SGK1: variants seen among roughly 807,000 people sequenced by gnomAD.
SGK1 encodes the protein serine/threonine-protein kinase Sgk1.
Under a neutral mutation model 64.2 loss-of-function variants are expected in SGK1, and 26 were observed. That is an observed-to-expected ratio of 0.40 (90% CI 0.30 to 0.56). SGK1 has a LOEUF of 0.56. SGK1 is among the 20% of genes least tolerant of loss of function. SGK1 has a pLI of 0.38. For missense variants in SGK1, 519 were observed against 645.6 expected, an observed-to-expected ratio of 0.80 and a Z score of 2.12; for synonymous variants, 265 against 239.7, an observed-to-expected ratio of 1.11 and a Z score of -0.98.
At chr6:134,179,460 C>A (rs1775298700) in intron 3 of SGK1, among the ~76,000 whole-genome samples, 1 of 145,990 alleles carries the variant, frequency 6.8e-6, no homozygotes, top group East Asian at 2.0e-4. Context: ...CTGAATGGAT[C>A]AGTTTTTGTT....
At chr6:134,251,155 A>T (rs999629883) in intron 2 of SGK1, among the ~76,000 whole-genome samples, 3 of 152,184 alleles carry the variant, frequency 2.0e-5, no homozygotes, top group African/African-American at 7.2e-5. Flanking sequence ...GGTAAATTAA[A>T]TTCTATCATT....
Position 134,317,695 on chromosome 6 carries a change from A to G in SGK1, c.-235T>C. The G allele has an allele frequency of 1.8e-6, 1 of 542,854 alleles. No homozygotes were observed. Among genetic ancestry groups the G allele is most frequent in the Non-Finnish European group, 3.3e-6 (1 of 304,082 alleles). 33.6% of individuals were successfully genotyped at this position (542,854 alleles called of 1,614,324 possible). On this transcript the variant is annotated 5_prime_UTR_variant, in exon 1 of 14. Coordinates refer to ENST00000367858, the MANE Select transcript of SGK1 (RefSeq NM_001143676.3). The stretch of plus-strand genomic sequence containing the variant: ...TTTTCTCCTTCCATCATTGCTCCGA[A>G]ACATATGCATCACCGCTGCAGGACC...
intron 1 of SGK1, among the ~76,000 whole-genome samples, chr6:134,279,856 A>G (rs1005507800): frequency 6.6e-6 from 1 of 152,180 alleles, no homozygotes; most frequent in Non-Finnish European, 1.5e-5. Flanking sequence ...CAGTCTGGTT[A>G]AGTAAAATAT....
At chr6:134,203,263 A>G (rs1395893708) in intron 3 of SGK1, among the ~76,000 whole-genome samples, 2 of 152,166 alleles carry the variant, frequency 1.3e-5, no homozygotes, top group African/African-American at 4.8e-5. Context: ...AAATAAAAAT[A>G]AAGTCATTTA....
At chr6:134,191,533 C>T (rs1775508860) in intron 3 of SGK1, among the ~76,000 whole-genome samples, 1 of 152,218 alleles carries the variant, frequency 6.6e-6, no homozygotes, top group Non-Finnish European at 1.5e-5. Context: ...GTGCTAAGGA[C>T]ATACCTATCA....
Position 134,172,752 on chromosome 6 carries a change from T to C in SGK1, c.857A>G (p.Glu286Gly). 1 of 1,613,744 alleles carries C rather than the reference T, an allele frequency of 6.2e-7. No homozygotes were observed. Among genetic ancestry groups the C allele is most frequent in the Non-Finnish European group, 8.5e-7 (1 of 1,179,632 alleles). ...GGELFYHLQR[E>G]RCFLEPRARF... Reference sequence around the variant, plus strand: ...AGCCCGTGGTTCCAGGAAGCAGCGTTCCCTCTGGAGATGGTAGAACAACTG... The same window carrying C: ...AGCCCGTGGTTCCAGGAAGCAGCGTCCCCTCTGGAGATGGTAGAACAACTG... The change falls in exon 9 of 14, where the codon GAA becomes GGA. Residue 286 changes from glutamate to glycine, a missense_variant. Glu to Gly is a moderately conservative substitution (Grantham distance 98, BLOSUM62 -2). Coordinates refer to ENST00000367858, the MANE Select transcript of SGK1 (RefSeq NM_001143676.3).
intron 2 of SGK1, among the ~76,000 whole-genome samples, chr6:134,226,605 G>A (rs992178058): frequency 2.6e-5 from 4 of 151,062 alleles, no homozygotes; most frequent in African/African-American, 9.7e-5. Flanking sequence ...GAGGTGGGAG[G>A]ATCGCCTAAG....
At chr6:134,258,987 C>CA (rs1010853922) in intron 2 of SGK1, among the ~76,000 whole-genome samples, 8 of 149,426 alleles carry the variant, frequency 5.4e-5, no homozygotes, top group African/African-American at 1.7e-4. Flanking sequence ...AACCTTGTCT[C>CA]AAAAAAAAAG....
chr6:134,251,674 C>G (rs562351318), intron 2 of SGK1, among the ~76,000 whole-genome samples: 3 of 152,146 alleles, frequency 2.0e-5, no homozygotes, highest in South Asian at 2.1e-4. Context: ...AAGTGAGCTA[C>G]GAGTGCAGCC....
intron 3 of SGK1, chr6:134,174,954 T>C (rs1362264049): frequency 4.3e-5 from 60 of 1,395,478 alleles, no homozygotes; most frequent in Non-Finnish European, 5.5e-5. Context: ...GCCCTTCGCC[T>C]CGCCCCTCGC....
At chr6:134,195,630 A>C (rs1425429153) in intron 3 of SGK1, among the ~76,000 whole-genome samples, 1 of 152,114 alleles carries the variant, frequency 6.6e-6, no homozygotes, top group Admixed American at 6.6e-5. Context: ...AACCATCTAA[A>C]CCATTGTAGA....
At chr6:134,285,588 T>C (rs1226906692) in intron 1 of SGK1, among the ~76,000 whole-genome samples, 1 of 151,918 alleles carries the variant, frequency 6.6e-6, no homozygotes, top group African/African-American at 2.4e-5. Context: ...TAAAGTGGTA[T>C]CTAATTGTGG....
intron 1 of SGK1, chr6:134,298,491 T>C: frequency 4.9e-6 from 4 of 811,388 alleles, no homozygotes; most frequent in Admixed American, 3.5e-5. Context: ...CAGGCTCTGG[T>C]TGACTGTGAC....
Position 134,280,506 on chromosome 6 carries a change from G to A in SGK1, c.70-18358C>T, listed in dbSNP as rs139373220. 3.3e-4 allele frequency among the ~76,000 whole-genome samples: 50 copies of A among 152,116 alleles called. No homozygotes were observed. In the East Asian group the frequency reaches 3.7e-3, roughly 11 times the overall value. On this transcript the variant is annotated intron_variant, in intron 1 of 13. Coordinates refer to ENST00000367858, the MANE Select transcript of SGK1 (RefSeq NM_001143676.3). ...TTGCCCAGGCTAGTCTCAAACTACCGGGCTCAAGCGATTCTCCCACCTTGG... is the reference window on the plus strand; with the variant it reads ...TTGCCCAGGCTAGTCTCAAACTACCAGGCTCAAGCGATTCTCCCACCTTGG...
chr6:134,297,232 A>C (rs1380778779), intron 1 of SGK1: 1 of 1,062,270 alleles, frequency 9.4e-7, no homozygotes, highest in Non-Finnish European at 1.4e-6. Flanking sequence ...CGGCATTTCT[A>C]GCCCTCCAGC....
In SGK1 at chr6:134,204,264, A is replaced by ATAATTAAT. The variant is rs1332538798; in HGVS notation, c.361+3091_361+3092insATTAATTA. Among the ~76,000 whole-genome samples the ATAATTAAT allele has an allele frequency of 7.4e-3, 949 of 127,728 alleles. 7 individuals carry two copies. Among genetic ancestry groups the ATAATTAAT allele is most frequent in the African/African-American group, 0.025 (894 of 35,446 alleles). The allele number at this position is 127,728 out of a possible 152,430, so 83.8% of individuals were successfully genotyped here. On this transcript the variant is annotated intron_variant, in intron 3 of 13. Coordinates refer to ENST00000367858, the MANE Select transcript of SGK1 (RefSeq NM_001143676.3). ...AATAAATAAATAAATAAATAAATAA[A>ATAATTAAT]TAATTACTCTAGACATAGATCCTAC...
chr6:134,286,674 A>G (rs1021465500), intron 1 of SGK1, among the ~76,000 whole-genome samples: 2 of 151,920 alleles, frequency 1.3e-5, no homozygotes, highest in Non-Finnish European at 2.9e-5. Context: ...TCCCCGTGTT[A>G]GCCAGGATGG....
intron 1 of SGK1, among the ~76,000 whole-genome samples, chr6:134,264,646 T>G (rs59294725): frequency 2.0e-5 from 3 of 149,454 alleles, no homozygotes; most frequent in African/African-American, 5.1e-5. Flanking sequence ...TATTATTATT[T>G]TTGTTGTTGT....
chr6:134,177,234 AC>A (rs1193962800), intron 3 of SGK1, among the ~76,000 whole-genome samples: 6 of 109,832 alleles, frequency 5.5e-5, no homozygotes, highest in African/African-American at 2.4e-4. Context: ...ACAAACAAAA[AC>A]AAAACAAAAA....
Sources: allele counts gnomAD v4.1 joint callset (sites outside exome capture counted in the v4.1 genomes callset), GRCh38; gene constraint gnomAD v4.1.1; transcripts MANE v1.5; gene names NCBI Gene and HGNC (gene_info 2026-07-23, HGNC 2026-07-21).